The following UBE2O variants were observed in gnomAD, a reference collection of about 807,000 sequenced individuals.
The protein encoded by UBE2O is ubiquitin conjugating enzyme E2 O.
Under a neutral mutation model 125.8 loss-of-function variants are expected in UBE2O, and 15 were observed. The observed-to-expected ratio is 0.12, with a 90% confidence interval of 0.08 to 0.18. The LOEUF is 0.18. Ranked by LOEUF, UBE2O falls within the 10% of genes least tolerant of loss-of-function variation. The pLI is 1.00. For missense variants in UBE2O, 1,280 were observed against 1,723.6 expected, an observed-to-expected ratio of 0.74 and a Z score of 4.56; for synonymous variants, 708 against 703.2, an observed-to-expected ratio of 1.01 and a Z score of -0.11.
chr17:76,419,588 A>T (rs2072673825), intron 1 of UBE2O, among the ~76,000 whole-genome samples: 2 of 152,098 alleles, frequency 1.3e-5, no homozygotes, highest in South Asian at 4.1e-4. Context: ...CCTCAAACTG[A>T]TATGGCCCCA....
At chr17:76,426,577 C>G (rs537672138) in intron 1 of UBE2O, among the ~76,000 whole-genome samples, 2 of 152,266 alleles carry the variant, frequency 1.3e-5, no homozygotes, top group South Asian at 4.1e-4. Context: ...GCTTTAAACA[C>G]TATTTCTATT....
At position 76,399,308 on chromosome 17, in the gene UBE2O, G is replaced by A. The variant is rs1050188714; in HGVS notation, c.1628+141C>T. ...ACCAGGGCCTACCCCAGGCACCTAC[G>A]TTGTCTCGGGTGGGAGCCCCGGAGC... On this transcript the variant is annotated intron_variant, in intron 9 of 17. Coordinates refer to ENST00000319380, the MANE Select transcript of UBE2O (RefSeq NM_022066.4). The surrounding 1 kb of genome is among the most constrained non-coding windows in gnomAD (Gnocchi z 6.9). 54 of 895,236 alleles carry A rather than the reference G, an allele frequency of 6.0e-5. No homozygotes were observed. The highest frequency in any genetic ancestry group is 8.0e-5 in the Non-Finnish European group (47 of 584,386). 55.5% of individuals were successfully genotyped at this position (895,236 alleles called of 1,614,324 possible).
chr17:76,406,692 GTTTTTTTTTTT>G (rs66834782), intron 1 of UBE2O, among the ~76,000 whole-genome samples: 7 of 70,896 alleles, frequency 9.9e-5, no homozygotes, highest in African/African-American at 3.6e-4. Flanking sequence ...AGCCCAAGTT[GTTTTTTTTTTT>G]TTTTTTTTTT....
chr17:76,438,843 C>A (rs1010069453), intron 1 of UBE2O, among the ~76,000 whole-genome samples: 1 of 151,028 alleles, frequency 6.6e-6, no homozygotes, highest in African/African-American at 2.4e-5. Context: ...GAGAAGTCAG[C>A]ACCTCTAGCA....
Position 76,396,078 on chromosome 17 carries a change from G to A in UBE2O, c.2809+50C>T, listed in dbSNP as rs1351870624. On this transcript the variant is annotated intron_variant, in intron 14 of 17. Transcript: ENST00000319380. This position sits in a 1 kb window ranked among gnomAD's most constrained non-coding sequence, Gnocchi z 6.7. ...CACCCAGATCTGGTGACACAAACAG[G>A]AGCCCCGAGAAGGCGGGGGAAGGCG... is the stretch of plus-strand genomic sequence containing the variant. 2 of 1,582,814 alleles carry A rather than the reference G, an allele frequency of 1.3e-6. No individual in the cohort carries two copies. The highest frequency in any genetic ancestry group is 2.7e-5 in the African/African-American group (2 of 74,206).
chr17:76,453,095 T>A lies in UBE2O; in HGVS notation c.47A>T (p.Gln16Leu), dbSNP rs1474441429. Residue 16 changes from glutamine (Q) to leucine (L), a missense_variant, in exon 1 of 18, where the codon CAG (glutamine) becomes CTG (leucine). By Grantham distance (113) the Gln-to-Leu change is moderately radical. Coordinates refer to ENST00000319380, the MANE Select transcript of UBE2O (RefSeq NM_022066.4). ...APTPAAPAPAQAPAPAPEAVP... is the reference protein window; with the variant it reads ...APTPAAPAPALAPAPAPEAVP... The stretch of plus-strand genomic sequence containing the variant: ...TGCCTCCGGGGCTGGAGCCGGGGCC[T>A]GGGCTGGAGCGGGAGCTGCGGGCGT... 9.7e-7 allele frequency: 1 copy of A among 1,028,588 alleles called. No individual in the cohort carries two copies. The highest frequency in any genetic ancestry group is 1.3e-6 in the Non-Finnish European group (1 of 773,072). 63.7% of individuals were successfully genotyped at this position (1,028,588 alleles called of 1,614,324 possible).
At chr17:76,397,374 GC>G (rs1189281148) in intron 13 of UBE2O, among the ~76,000 whole-genome samples, 1 of 152,216 alleles carries the variant, frequency 6.6e-6, no homozygotes, top group East Asian at 1.9e-4. Context: ...GGGAAGGAGA[GC>G]CCGTGTAGCC....
In UBE2O at chr17:76,401,174, AG is replaced by A. The variant is rs777512333; in HGVS notation, c.751-21del. The A allele has an allele frequency of 6.2e-7, 1 of 1,611,746 alleles. No individual in the cohort carries two copies. Among genetic ancestry groups the A allele is most frequent in the South Asian group, 1.1e-5 (1 of 91,046 alleles). ...GAGACCCTGCGGGATGTGGGGCCAA[AG>A]GAAAGTCCCCGTGAGCGGTGTCTCC... On this transcript the variant is annotated intron_variant, in intron 5 of 17. Transcript: ENST00000319380.
chr17:76,438,711 C>T (rs1284288913), intron 1 of UBE2O, among the ~76,000 whole-genome samples: 2 of 152,146 alleles, frequency 1.3e-5, no homozygotes, highest in African/African-American at 4.8e-5. Context: ...CTTGAAAAAT[C>T]CCTTAAATCC....
chr17:76,446,230 C>T (rs371087938), intron 1 of UBE2O, among the ~76,000 whole-genome samples: 6 of 152,274 alleles, frequency 3.9e-5, no homozygotes, highest in African/African-American at 1.4e-4. Context: ...CACAGAAAAC[C>T]ACCCTGACTC....
At chr17:76,439,899 C>T (rs2073052277) in intron 1 of UBE2O, among the ~76,000 whole-genome samples, 1 of 152,202 alleles carries the variant, frequency 6.6e-6, no homozygotes, top group Admixed American at 6.5e-5. Context: ...GGCTCTCGCT[C>T]CCTTATGTGC....
chr17:76,400,525 G>C lies in UBE2O; in HGVS notation c.920C>G (p.Thr307Arg). Residue 307 changes from threonine (T) to arginine (R), a missense_variant, in exon 7 of 18, where the codon ACA becomes AGA. By Grantham distance (71) the Thr-to-Arg change is moderately conservative. Around this residue, in one of 10 missense-constraint regions of UBE2O, gnomAD observed 206 missense variants for 315.7 expected, o/e 0.65. Coordinates refer to ENST00000319380, the MANE Select transcript of UBE2O (RefSeq NM_022066.4). The surrounding 1 kb of genome is among the most constrained non-coding windows in gnomAD (Gnocchi z 4.3). ...TGGACAGAAACTCTTGGTAATCCATGTAACTTTCAACTCTACAACCTGCAC... is the reference window on the plus strand; with the variant it reads ...TGGACAGAAACTCTTGGTAATCCATCTAACTTTCAACTCTACAACCTGCAC... Reference protein sequence around the residue: ...EEVQVVELKVTWITKSFCPGG... With the variant: ...EEVQVVELKVRWITKSFCPGG... The C allele has an allele frequency of 6.2e-7, 1 of 1,613,270 alleles. No homozygotes were observed. Among genetic ancestry groups the C allele is most frequent in the South Asian group, 1.1e-5 (1 of 90,948 alleles).
Position 76,398,657 on chromosome 17 carries a change from A to C in UBE2O, c.1784-73T>G. Reference sequence around the variant, plus strand: ...AGGAGCCCACATCTCAAGCCAGTGCAGAGTGCAGAACCCTGACCTTCCCCC... The same window carrying C: ...AGGAGCCCACATCTCAAGCCAGTGCCGAGTGCAGAACCCTGACCTTCCCCC... On this transcript the variant is annotated intron_variant, in intron 10 of 17. Coordinates refer to ENST00000319380, the MANE Select transcript of UBE2O (RefSeq NM_022066.4). The surrounding 1 kb of genome is among the most constrained non-coding windows in gnomAD (Gnocchi z 5.4). The C allele has an allele frequency of 2.6e-6, 4 of 1,532,986 alleles. No homozygotes were observed. The highest frequency in any genetic ancestry group is 3.6e-6 in the Non-Finnish European group (4 of 1,112,498). 95.0% of individuals were successfully genotyped at this position (1,532,986 alleles called of 1,614,324 possible). A position where few individuals can be genotyped will look rare whatever the true frequency, so the allele number is the denominator to read the frequency against.
At chr17:76,394,607 T>C (rs996480980) in intron 15 of UBE2O, among the ~76,000 whole-genome samples, 1 of 152,224 alleles carries the variant, frequency 6.6e-6, no homozygotes, top group African/African-American at 2.4e-5. Context: ...TATGTACTTA[T>C]GGTGATACAT....
intron 1 of UBE2O, among the ~76,000 whole-genome samples, chr17:76,425,858 T>C (rs148933113): frequency 1.3e-3 from 191 of 152,220 alleles, no homozygotes; most frequent in African/African-American, 4.3e-3. Context: ...CAGAATTCCA[T>C]CCTGTCTCTC....
rs2072496029 is a variant in UBE2O at position 76,410,468 on chromosome 17, G to A, written c.418-4896C>T. ...CTCAACGAAGAATGGCGTGGCCAAC[G>A]CACCCGCAGTGCCACAGCTGAGAAG... is the stretch of plus-strand genomic sequence containing the variant. On this transcript the variant is annotated intron_variant, in intron 1 of 17. Coordinates refer to ENST00000319380, the MANE Select transcript of UBE2O (RefSeq NM_022066.4). The surrounding 1 kb of genome is among the most constrained non-coding windows in gnomAD (Gnocchi z 4.0). Among the ~76,000 whole-genome samples the A allele has an allele frequency of 1.3e-5, 2 of 152,104 alleles. No homozygotes were observed. Among genetic ancestry groups the A allele is most frequent in the African/African-American group, 4.8e-5 (2 of 41,414 alleles).
intron 1 of UBE2O, among the ~76,000 whole-genome samples, chr17:76,431,357 C>CA (rs57655728): frequency 0.34 from 51,896 of 151,012 alleles, 10,394 homozygotes; most frequent in African/African-American, 0.55. Context: ...ACTAAAGATA[C>CA]AAAAAAAAAT....
At chr17:76,449,549 T>C (rs1057199746) in intron 1 of UBE2O, among the ~76,000 whole-genome samples, 1 of 152,138 alleles carries the variant, frequency 6.6e-6, no homozygotes, top group Non-Finnish European at 1.5e-5. Flanking sequence ...CACTCCAGCC[T>C]GGGTGACAGA....
intron 1 of UBE2O, among the ~76,000 whole-genome samples, chr17:76,424,444 C>T (rs886128536): frequency 4.9e-5 from 7 of 142,748 alleles, no homozygotes; most frequent in African/African-American, 1.3e-4. Flanking sequence ...CCTGACCTCA[C>T]GTGATTCGCC....
Sources: allele counts gnomAD v4.1 joint callset (sites outside exome capture counted in the v4.1 genomes callset), GRCh38; gene constraint gnomAD v4.1.1; regional missense constraint gnomAD v4.1.1; non-coding constraint Gnocchi (gnomAD v3.1); transcripts MANE v1.5; gene names NCBI Gene and HGNC (gene_info 2026-07-23, HGNC 2026-07-21).